CRACD: variants seen among roughly 807,000 people sequenced by gnomAD.
The protein encoded by CRACD is capping protein inhibiting regulator of actin dynamics.
A neutral mutation model predicts 106.8 loss-of-function variants in CRACD; 56 were observed. The ratio of observed to expected loss-of-function variants is 0.52; its 90% confidence interval spans 0.42 to 0.66. CRACD has a LOEUF of 0.66. CRACD is among the 30% of genes least tolerant of loss of function. The probability of loss-of-function intolerance (pLI) is 0.00; values close to 1 mark genes in which losing one functional copy is unlikely to be tolerated. For missense variants in CRACD, 1,730 were observed against 1,623.2 expected, an observed-to-expected ratio of 1.07 and a Z score of -1.13; for synonymous variants, 754 against 670.8, an observed-to-expected ratio of 1.12 and a Z score of -1.92.
At chr4:56,190,409 C>T (rs532779511) in intron 2 of CRACD, among the ~76,000 whole-genome samples, 10 of 152,232 alleles carry the variant, frequency 6.6e-5, no homozygotes, top group South Asian at 6.2e-4. Flanking sequence ...ACTTCCACAA[C>T]GGTTGAACTA....
chr4:56,301,305 C>T (rs1744353908), intron 4 of CRACD: 26 of 1,158,610 alleles, frequency 2.2e-5, no homozygotes, highest in Non-Finnish European at 3.0e-5. Context: ...TGCATTTTTC[C>T]ATGACAACGT....
At chr4:56,217,385 A>G (rs977786077) in intron 2 of CRACD, among the ~76,000 whole-genome samples, 2 of 151,706 alleles carry the variant, frequency 1.3e-5, no homozygotes, top group African/African-American at 4.8e-5. Context: ...TAAGATATCA[A>G]TCAATACATG....
At chr4:56,166,626 G>A (rs1736162991) in intron 1 of CRACD, among the ~76,000 whole-genome samples, 1 of 127,154 alleles carries the variant, frequency 7.9e-6, no homozygotes, top group South Asian at 2.5e-4. Flanking sequence ...GTTGCAGTGA[G>A]CCACACCACT....
chr4:56,215,555 G>A (rs1180804126), intron 2 of CRACD, among the ~76,000 whole-genome samples: 1 of 152,084 alleles, frequency 6.6e-6, no homozygotes, highest in African/African-American at 2.4e-5. Context: ...TTTGTATCTT[G>A]TCTCTTCAAC....
At chr4:56,119,942 T>A (rs558573444) in intron 1 of CRACD, among the ~76,000 whole-genome samples, 7 of 152,330 alleles carry the variant, frequency 4.6e-5, no homozygotes, top group African/African-American at 1.7e-4. Context: ...CCTCCTTTTT[T>A]TCCACCATCC....
At position 56,179,317 on chromosome 4, in the gene CRACD, C is replaced by A. The variant is rs1408012458; in HGVS notation, c.-302C>A. On this transcript the variant is annotated 5_prime_UTR_variant, in exon 2 of 11. Transcript: ENST00000682029. ...AGCAGTGATTCCCAGGCTTTCTCAG[C>A]AATGTACCCCATTTCCTGACATTTA... 1.3e-5 allele frequency: 2 copies of A among 151,902 alleles called. No homozygotes were observed. The highest frequency in any genetic ancestry group is 2.4e-5 in the African/African-American group (1 of 41,328). The allele number at this position is 151,902 out of a possible 1,614,324, so 9.4% of individuals were successfully genotyped here. A position where few individuals can be genotyped will look rare whatever the true frequency, so the allele number is the denominator to read the frequency against.
Position 56,301,170 on chromosome 4 carries a change from G to A in CRACD, c.120+2821G>A, listed in dbSNP as rs552263188. 24 of 1,167,156 alleles carry A rather than the reference G, an allele frequency of 2.1e-5. No homozygotes were observed. In the African/African-American group the frequency reaches 3.7e-4, roughly 18 times the overall value. 72.3% of individuals were successfully genotyped at this position (1,167,156 alleles called of 1,614,324 possible). A position where few individuals can be genotyped will look rare whatever the true frequency, so the allele number is the denominator to read the frequency against. On this transcript the variant is annotated intron_variant, in intron 4 of 10. Transcript: ENST00000682029. ...CATAGAAAATGTGATTTTTTTTTTG[G>A]CGTGACTTGAGATATAACTGAATCA...
intron 1 of CRACD, among the ~76,000 whole-genome samples, chr4:56,111,765 G>T (rs1220870297): frequency 6.6e-6 from 1 of 152,048 alleles, no homozygotes; most frequent in Non-Finnish European, 1.5e-5. Context: ...TGATCTGCCC[G>T]CCTCAGCCTT....
intron 1 of CRACD, among the ~76,000 whole-genome samples, chr4:56,156,545 A>G (rs1243716512): frequency 6.6e-6 from 1 of 152,206 alleles, no homozygotes; most frequent in Admixed American, 6.5e-5. Flanking sequence ...CTTTGTGACC[A>G]TTTGGGTTTT....
intron 1 of CRACD, among the ~76,000 whole-genome samples, chr4:56,147,083 A>T (rs1481558003): frequency 6.6e-6 from 1 of 152,178 alleles, no homozygotes; most frequent in African/African-American, 2.4e-5. Context: ...ATCCTGACTT[A>T]GGCCAGTAGC....
chr4:56,180,363 C>T (rs1016274038), intron 2 of CRACD, among the ~76,000 whole-genome samples: 16 of 151,944 alleles, frequency 1.1e-4, no homozygotes, highest in Admixed American at 2.0e-4. Flanking sequence ...ATGGCGGGCG[C>T]CTGTAATCCC....
intron 3 of CRACD, among the ~76,000 whole-genome samples, chr4:56,294,222 TA>T (rs34697625): frequency 2.6e-3 from 368 of 142,006 alleles, no homozygotes; most frequent in Admixed American, 2.6e-3. Flanking sequence ...GACCCTGTCT[TA>T]AAAAAAAAAA....
chr4:56,117,892 G>A (rs531733936), intron 1 of CRACD, among the ~76,000 whole-genome samples: 3 of 151,972 alleles, frequency 2.0e-5, no homozygotes, highest in Non-Finnish European at 4.4e-5. Flanking sequence ...CAAGTTACCT[G>A]GGATTACAGG....
At chr4:56,087,305 G>A (rs1301067506) in intron 1 of CRACD, among the ~76,000 whole-genome samples, 6 of 152,142 alleles carry the variant, frequency 3.9e-5, no homozygotes, top group Non-Finnish European at 5.9e-5. Context: ...GAGCCACCGC[G>A]CCCAGCCCTA....
chr4:56,210,811 G>A lies in CRACD; in HGVS notation c.-189+31381G>A, dbSNP rs557050067. Among the ~76,000 whole-genome samples, 6 of 152,294 alleles carry A rather than the reference G, an allele frequency of 3.9e-5. No individual in the cohort carries two copies. In the South Asian group the frequency reaches 1.2e-3, roughly 32 times the overall value. ...TTCTATAGGTGGTCTCTTTAACTTA[G>A]CTGTAATTACTGAGTTTAGGGTGGT... On this transcript the variant is annotated intron_variant, in intron 2 of 10. Transcript: ENST00000682029.
chr4:56,315,462 C>G lies in CRACD; in HGVS notation c.1960C>G (p.Pro654Ala), dbSNP rs1560537235. 2.5e-6 allele frequency: 4 copies of G among 1,612,998 alleles called. No homozygotes were observed. Among genetic ancestry groups the G allele is most frequent in the East Asian group, 2.2e-5 (1 of 44,836 alleles). ...GAGGGCGGGCAGCGGGAAGGCTAAG[C>G]CCCGCCAGGAGTCTCCCAGCAGCGC... ...DARAGSGKAK[P>A]RQESPSSASA... The change falls in exon 8 of 11, where the codon CCC (proline) becomes GCC (alanine). Residue 654 changes from proline to alanine, a missense_variant. Transcript: ENST00000682029. The surrounding 1 kb of genome is among the most constrained non-coding windows in gnomAD (Gnocchi z 4.1).
Position 56,315,127 on chromosome 4 carries a change from C to T in CRACD, c.1625C>T (p.Ser542Phe), listed in dbSNP as rs1334830548. The T allele has an allele frequency of 1.9e-6, 3 of 1,610,134 alleles. No individual in the cohort carries two copies. The highest frequency in any genetic ancestry group is 2.2e-5 in the East Asian group (1 of 44,744). The stretch of plus-strand genomic sequence containing the variant: ...CCCCGGCCCTACACGTTCCAGGTGT[C>T]CTCCGGAGGGAAGCAGATTCTCTTT... ...TMPRPYTFQV[S>F]SGGKQILFPK... The change falls in exon 8 of 11, where the codon TCC (serine) becomes TTC (phenylalanine). Residue 542 changes from serine (S) to phenylalanine (F), a missense_variant. Ser to Phe is a radical substitution (Grantham distance 155, BLOSUM62 -2). Transcript: ENST00000682029. The surrounding 1 kb of genome is among the most constrained non-coding windows in gnomAD (Gnocchi z 4.1).
chr4:56,213,143 A>G (rs779303701), intron 2 of CRACD, among the ~76,000 whole-genome samples: 29 of 152,166 alleles, frequency 1.9e-4, no homozygotes, highest in Middle Eastern at 3.2e-3. Flanking sequence ...CAAACCTTAG[A>G]CAAATTAAAG....
intron 1 of CRACD, among the ~76,000 whole-genome samples, chr4:56,176,686 T>C (rs7666701): frequency 0.74 from 112,107 of 151,626 alleles, 42,309 homozygotes; most frequent in African/African-American, 0.89. Flanking sequence ...CCACCTGCCT[T>C]GGCCTCCCAA....
Sources: allele counts gnomAD v4.1 joint callset (sites outside exome capture counted in the v4.1 genomes callset), GRCh38; gene constraint gnomAD v4.1.1; non-coding constraint Gnocchi (gnomAD v3.1); transcripts MANE v1.5; gene names NCBI Gene and HGNC (gene_info 2026-07-23, HGNC 2026-07-21).